Variants in CHST11 observed in about 807,000 individuals in gnomAD.
CHST11 encodes carbohydrate sulfotransferase 11.
CHST11 carries 9 observed loss-of-function variants against 30.4 expected under a neutral mutation model. That is an observed-to-expected ratio of 0.30 (90% confidence interval 0.18 to 0.52). The LOEUF (loss-of-function observed/expected upper bound fraction) is 0.52, where lower values mean the gene tolerates loss of function less well. CHST11 is among the 20% of genes least tolerant of loss of function. The pLI is 0.97. For missense variants in CHST11, 348 were observed against 460.6 expected, an observed-to-expected ratio of 0.76 and a Z score of 2.24; for synonymous variants, 152 against 187.8, an observed-to-expected ratio of 0.81 and a Z score of 1.56.
At chr12:104,560,789 T>A (rs1220951717) in intron 1 of CHST11, among the ~76,000 whole-genome samples, 1 of 152,210 alleles carries the variant, frequency 6.6e-6, no homozygotes, top group Non-Finnish European at 1.5e-5. Context: ...ACCCTTCTAT[T>A]AGACTGTGAG....
At chr12:104,712,405 G>A (rs919460471) in intron 2 of CHST11, among the ~76,000 whole-genome samples, 16 of 152,114 alleles carry the variant, frequency 1.1e-4, no homozygotes, top group African/African-American at 3.1e-4. Context: ...AGTATAAAGC[G>A]CCTCACAGCA....
At chr12:104,502,465 G>T (rs1479097944) in intron 1 of CHST11, among the ~76,000 whole-genome samples, 4 of 151,974 alleles carry the variant, frequency 2.6e-5, no homozygotes, top group South Asian at 2.1e-4. Context: ...TTGCTGTGGG[G>T]AAAAAAAGTC....
intron 1 of CHST11, among the ~76,000 whole-genome samples, chr12:104,526,223 A>C (rs1342757974): frequency 6.7e-6 from 1 of 150,260 alleles, no homozygotes; most frequent in Admixed American, 6.6e-5. Context: ...CTTAAAAAAA[A>C]AAAGAAAAGA....
At chr12:104,537,484 G>A (rs1036905562) in intron 1 of CHST11, among the ~76,000 whole-genome samples, 3 of 152,016 alleles carry the variant, frequency 2.0e-5, no homozygotes, top group Admixed American at 6.6e-5. Context: ...TGGAATCACA[G>A]GCAAGTTACT....
chr12:104,499,682 C>T (rs2037833837), intron 1 of CHST11, among the ~76,000 whole-genome samples: 2 of 151,902 alleles, frequency 1.3e-5, no homozygotes, highest in South Asian at 4.2e-4. Flanking sequence ...GAAGAGTTCA[C>T]ACCAAAAAAA....
intron 2 of CHST11, among the ~76,000 whole-genome samples, chr12:104,713,045 C>T (rs1235637059): frequency 4.0e-5 from 6 of 151,666 alleles, no homozygotes; most frequent in Non-Finnish European, 5.9e-5. Flanking sequence ...CTAATTCATG[C>T]GGCTTGCAGT....
At chr12:104,604,821 G>A (rs947304959) in intron 2 of CHST11, among the ~76,000 whole-genome samples, 1 of 152,098 alleles carries the variant, frequency 6.6e-6, no homozygotes, top group Non-Finnish European at 1.5e-5. Flanking sequence ...TTTATTTTAG[G>A]TGATAAGAAA....
intron 1 of CHST11, among the ~76,000 whole-genome samples, chr12:104,586,918 A>G (rs899104264): frequency 6.6e-6 from 1 of 152,206 alleles, no homozygotes; most frequent in African/African-American, 2.4e-5. Context: ...GCCAATATCA[A>G]TTCCTTGAAC....
intron 1 of CHST11, among the ~76,000 whole-genome samples, chr12:104,546,476 AAAAG>A (rs58601099): frequency 0.5 from 70,117 of 140,752 alleles, 16,535 homozygotes; most frequent in South Asian, 0.69. Flanking sequence ...AAAAAAAAAA[AAAAG>A]ATTTAAATTT....
chr12:104,564,590 G>C (rs1446623224), intron 1 of CHST11, among the ~76,000 whole-genome samples: 1 of 152,178 alleles, frequency 6.6e-6, no homozygotes, highest in Non-Finnish European at 1.5e-5. Context: ...TCACTGCAAG[G>C]CTCTTGGAGC....
chr12:104,701,468 C>T (rs1402240289), intron 2 of CHST11, among the ~76,000 whole-genome samples: 2 of 152,176 alleles, frequency 1.3e-5, no homozygotes, highest in East Asian at 1.9e-4. Context: ...GGGCACACTG[C>T]GTGGGGTGGG....
At chr12:104,541,885 C>T (rs538543776) in intron 1 of CHST11, among the ~76,000 whole-genome samples, 1 of 152,182 alleles carries the variant, frequency 6.6e-6, no homozygotes, top group Non-Finnish European at 1.5e-5. Context: ...GCTGAGATTG[C>T]GCCACTGCAC....
chr12:104,469,480 G>A (rs979380875), intron 1 of CHST11, among the ~76,000 whole-genome samples: 1 of 152,200 alleles, frequency 6.6e-6, no homozygotes, highest in Non-Finnish European at 1.5e-5. Context: ...AGGATGAAAA[G>A]CAGTCATTTC....
intron 2 of CHST11, among the ~76,000 whole-genome samples, chr12:104,610,033 A>C (rs1259662984): frequency 1.4e-5 from 2 of 145,828 alleles, no homozygotes; most frequent in Non-Finnish European, 3.0e-5. Flanking sequence ...TTATAAAGCC[A>C]TGAGTGCCTC....
intron 1 of CHST11, among the ~76,000 whole-genome samples, chr12:104,571,146 G>A (rs2038620997): frequency 6.7e-6 from 1 of 149,782 alleles, no homozygotes; most frequent in Admixed American, 6.8e-5. Flanking sequence ...TCAGTAGTTT[G>A]TCTTTGGAGG....
chr12:104,494,946 G>A (rs376537860), intron 1 of CHST11, among the ~76,000 whole-genome samples: 2 of 152,202 alleles, frequency 1.3e-5, no homozygotes, highest in South Asian at 2.1e-4. Flanking sequence ...CTGACATGCT[G>A]TACCCACTAA....
intron 2 of CHST11, among the ~76,000 whole-genome samples, chr12:104,748,155 G>A (rs891489225): frequency 1.3e-5 from 2 of 152,228 alleles, no homozygotes; most frequent in African/African-American, 4.8e-5. Context: ...GGGAGTTGGA[G>A]GCTGGGGCTG....
At chr12:104,689,704 C>T (rs1210037464) in intron 2 of CHST11, among the ~76,000 whole-genome samples, 1 of 152,156 alleles carries the variant, frequency 6.6e-6, no homozygotes, top group African/African-American at 2.4e-5. Flanking sequence ...TTTGGACTGT[C>T]CTGGGAGAGA....
At chr12:104,670,707 C>T (rs703663) in intron 2 of CHST11, among the ~76,000 whole-genome samples, 146,046 of 150,082 alleles carry the variant, frequency 0.97, 71,075 homozygotes, top group East Asian at 1. Context: ...ACACACACAT[C>T]ATACATACAC....
Sources: gnomAD v4.1 joint callset for allele counts (sites outside exome capture counted in the v4.1 genomes callset) on GRCh38, gnomAD v4.1.1 for gene constraint, MANE v1.5 for transcripts, NCBI Gene and HGNC (gene_info 2026-07-23, HGNC 2026-07-21) for gene names.